CDCA2: variants seen among roughly 807,000 people sequenced by gnomAD.
CDCA2 encodes the protein cell division cycle-associated protein 2.
Under a neutral mutation model 67.0 loss-of-function variants are expected in CDCA2, and 44 were observed. That is an observed-to-expected ratio of 0.66 (90% confidence interval 0.52 to 0.84). The LOEUF (loss-of-function observed/expected upper bound fraction) is 0.84, where lower values mean the gene tolerates loss of function less well. CDCA2 is among the 40% of genes least tolerant of loss of function. CDCA2 has a pLI of 0.00. For missense variants in CDCA2, 1,253 were observed against 1,203.2 expected (o/e 1.04, Z -0.61); for synonymous variants, 447 against 418.7 (o/e 1.07, Z -0.82).
intron 7 of CDCA2, among the ~76,000 whole-genome samples, chr8:25,476,662 C>T (rs1052229725): frequency 6.6e-6 from 1 of 151,892 alleles, no homozygotes; most frequent in Non-Finnish European, 1.5e-5. Flanking sequence ...AGGTGATTCT[C>T]CTAACCCAGC....
Position 25,460,551 on chromosome 8 carries a change from G to C in CDCA2, c.229G>C (p.Ala77Pro), listed in dbSNP as rs778493535. Residue 77 changes from alanine (A) to proline (P), a missense_variant, in exon 3 of 15, where the codon GCA (alanine) becomes CCA (proline). By Grantham distance (27) the Ala-to-Pro change is conservative. Coordinates refer to ENST00000330560, the MANE Select transcript of CDCA2 (RefSeq NM_152562.4). ...ACCTGAAAGCTTTGTTAGGAACTCT[G>C]CAGGTAAGAAAAGTTGTCATTCTGT... ...ITPESFVRNS[A>P]GKSSSYLKKC... 1 of 1,609,718 alleles carries C rather than the reference G, an allele frequency of 6.2e-7. No homozygotes were observed. The highest frequency in any genetic ancestry group is 8.5e-7 in the Non-Finnish European group (1 of 1,178,642).
In CDCA2 at chr8:25,467,065, A is replaced by AAAC. The variant is rs1468639428; in HGVS notation, c.538+741_538+742insACA. Among the ~76,000 whole-genome samples, 130 of 126,210 alleles carry AAAC rather than the reference A, an allele frequency of 1.0e-3. 1 individual carries two copies. The highest frequency in any genetic ancestry group is 2.9e-3 in the South Asian group (11 of 3,804). 82.8% of individuals were successfully genotyped at this position (126,210 alleles called of 152,430 possible). On this transcript the variant is annotated intron_variant, in intron 5 of 14. Transcript: ENST00000330560. ...TCAAAAAAAAAAAAAAAAAAAAAAA[A>AAAC]ACACACACACACACACAAATATATC...
At chr8:25,476,486 T>C (rs970320927) in intron 7 of CDCA2, among the ~76,000 whole-genome samples, 1 of 152,122 alleles carries the variant, frequency 6.6e-6, no homozygotes, top group Non-Finnish European at 1.5e-5. Context: ...CATCTCTGTA[T>C]GTGTGTATCT....
At chr8:25,488,043 T>C (rs1803851275) in intron 12 of CDCA2, among the ~76,000 whole-genome samples, 1 of 152,188 alleles carries the variant, frequency 6.6e-6, no homozygotes, top group Admixed American at 6.5e-5. Context: ...TATATAAGCA[T>C]AACTCCCATT....
rs1446982623 is a variant in CDCA2 at position 25,503,538 on chromosome 8, G to T, written c.1837G>T (p.Gly613Cys). 6.3e-7 allele frequency: 1 copy of T among 1,598,108 alleles called. No homozygotes were observed. The highest frequency in any genetic ancestry group is 8.5e-7 in the Non-Finnish European group (1 of 1,175,042). Residue 613 changes from glycine to cysteine, a missense_variant, in exon 14 of 15, where the codon GGT becomes TGT. Gly to Cys is a radical substitution (Grantham distance 159). Coordinates refer to ENST00000330560, the MANE Select transcript of CDCA2 (RefSeq NM_152562.4). Reference protein sequence around the residue: ...TPSIPSIRRLGSGYFSSNGKL... With the variant: ...TPSIPSIRRLCSGYFSSNGKL... ...TTCCATTCCGAGCATCCGAAGACTG[G>T]GTTCAGGTATCCTGACATTTTCCTG... is the stretch of plus-strand genomic sequence containing the variant.
chr8:25,468,191 G>C, intron 5 of CDCA2, 26 bp from the exon 6 acceptor site: 1 of 1,431,102 alleles, frequency 7.0e-7, no homozygotes, highest in South Asian at 1.5e-5. Flanking sequence ...TGCCTGTGTC[G>C]TTTTGTTTTT....
At chr8:25,460,138 A>G (rs1444266119) in intron 1 of CDCA2, 102 bp from the exon 2 acceptor site, 9 of 1,099,974 alleles carry the variant, frequency 8.2e-6, no homozygotes, top group Non-Finnish European at 1.3e-5. Flanking sequence ...TTTCTATGCC[A>G]GTATGGACTG....
At chr8:25,466,442 T>G (rs1802906364) in intron 5 of CDCA2, 117 bp downstream of exon 5, 4 of 907,566 alleles carry the variant, frequency 4.4e-6, no homozygotes, top group Non-Finnish European at 6.1e-6. Context: ...ATTTATAAAG[T>G]GAGACTAACA....
chr8:25,467,839 C>G (rs961658103), intron 5 of CDCA2, among the ~76,000 whole-genome samples: 1 of 151,894 alleles, frequency 6.6e-6, no homozygotes, highest in Admixed American at 6.6e-5. Context: ...TGCACAATAG[C>G]CGGGCGTGGT....
In CDCA2 at chr8:25,466,028, A is replaced by G. The variant is rs114891512; in HGVS notation, c.388-147A>G. ...CTGAAAATGGGTAATTCCAGGGTGA[A>G]GAAGCTCTGCCACACTAACTCCTTA... On this transcript the variant is annotated intron_variant, in intron 4 of 14. Coordinates refer to ENST00000330560, the MANE Select transcript of CDCA2 (RefSeq NM_152562.4). 3.2e-3 allele frequency: 1,870 copies of G among 578,564 alleles called. 28 individuals are homozygous for G. The African/African-American group carries it at 0.033, about 10-fold the overall frequency. 35.8% of individuals were successfully genotyped at this position (578,564 alleles called of 1,614,324 possible).
intron 13 of CDCA2, among the ~76,000 whole-genome samples, chr8:25,501,125 G>A (rs368406469): frequency 2.0e-5 from 3 of 152,220 alleles, no homozygotes; most frequent in South Asian, 2.1e-4. Flanking sequence ...ATTTAACCCA[G>A]CATTTTCCTA....
intron 8 of CDCA2, 71 bp from the exon 9 acceptor site, chr8:25,483,328 C>A: frequency 3.2e-6 from 3 of 936,908 alleles, no homozygotes; most frequent in Non-Finnish European, 4.7e-6. Flanking sequence ...AATTTCAAAA[C>A]TGCTGTTCTT....
At chr8:25,468,540 T>TGTGTGTGTGC in intron 6 of CDCA2, 127 bp downstream of exon 6, 1 of 507,368 alleles carries the variant, frequency 2.0e-6, no homozygotes, top group Non-Finnish European at 3.5e-6. Flanking sequence ...GGGGTGTGTG[T>TGTGTGTGTGC]GTGTGTGTGT....
At chr8:25,461,954 T>G in intron 3 of CDCA2, 100 bp from the exon 4 acceptor site, 1 of 1,169,144 alleles carries the variant, frequency 8.6e-7, no homozygotes, top group Non-Finnish European at 1.2e-6. Context: ...AGCACATGTT[T>G]ATCATGTTTT....
intron 13 of CDCA2, among the ~76,000 whole-genome samples, chr8:25,490,081 CT>C (rs1803941965): frequency 6.6e-6 from 1 of 152,074 alleles, no homozygotes; most frequent in Non-Finnish European, 1.5e-5. Context: ...TGTTTTCCTG[CT>C]TTAGTTCCTT....
intron 8 of CDCA2, among the ~76,000 whole-genome samples, chr8:25,480,595 T>C (rs1341818362): frequency 6.6e-6 from 1 of 152,240 alleles, no homozygotes; most frequent in Non-Finnish European, 1.5e-5. Flanking sequence ...TGATGGGAAC[T>C]AGCTGGCATT....
intron 12 of CDCA2, among the ~76,000 whole-genome samples, 192 bp downstream of exon 12, chr8:25,487,526 G>A (rs567887955): frequency 6.6e-6 from 1 of 152,238 alleles, no homozygotes; most frequent in East Asian, 1.9e-4. Context: ...CGGATCATGA[G>A]GTCAGGAGAT....
chr8:25,505,429 G>C lies in CDCA2; in HGVS notation c.1844-1081G>C, dbSNP rs925299591. On this transcript the variant is annotated intron_variant, in intron 14 of 14. Coordinates refer to ENST00000330560, the MANE Select transcript of CDCA2 (RefSeq NM_152562.4). ...TTGGCCAGGCTGGTCTCAAACTCCT[G>C]ACCTCAGGTAATCCACCTGCCTCGG... Among the ~76,000 whole-genome samples the C allele has an allele frequency of 2.0e-5, 3 of 152,110 alleles. No individual in the cohort carries two copies. In the East Asian group the frequency reaches 5.8e-4, roughly 29 times the overall value.
chr8:25,474,027 G>C (rs1002999550), intron 7 of CDCA2, among the ~76,000 whole-genome samples: 1 of 152,138 alleles, frequency 6.6e-6, no homozygotes, highest in Admixed American at 6.5e-5. Flanking sequence ...ACAATGATCT[G>C]GTTAAGAAAA....
Sources: gnomAD v4.1 joint callset for allele counts (sites outside exome capture counted in the v4.1 genomes callset) on GRCh38, gnomAD v4.1.1 for gene constraint, MANE v1.5 for transcripts, NCBI Gene and HGNC (gene_info 2026-07-23, HGNC 2026-07-21) for gene names.